Variants in NCALD observed in about 807,000 individuals in gnomAD.
The protein encoded by NCALD is neurocalcin delta, also known as neurocalcin-delta.
A neutral mutation model predicts 18.6 loss-of-function variants in NCALD; 10 were observed. That is an observed-to-expected ratio of 0.54 (90% CI 0.33 to 0.91). The LOEUF is 0.91. Among genes scored for constraint, NCALD ranks in the 40% least tolerant of loss-of-function variants. The probability of loss-of-function intolerance (pLI) is 0.03; values close to 1 mark genes in which losing one functional copy is unlikely to be tolerated. For synonymous variants in NCALD, 88 were observed against 87.4 expected, an observed-to-expected ratio of 1.01 and a Z score of -0.04; for missense variants, 184 against 247.6, an observed-to-expected ratio of 0.74 and a Z score of 1.72.
intron 2 of NCALD, among the ~76,000 whole-genome samples, chr8:101,972,532 G>A (rs574291365): frequency 6.6e-6 from 1 of 152,230 alleles, no homozygotes; most frequent in East Asian, 1.9e-4. Flanking sequence ...ATTTCTGCAG[G>A]AACAATGATG....
chr8:101,725,321 A>G (rs936030416), intron 1 of NCALD, among the ~76,000 whole-genome samples: 7 of 152,228 alleles, frequency 4.6e-5, no homozygotes, highest in Admixed American at 3.3e-4. Context: ...GCTTAACTTC[A>G]GACAGCATGA....
intron 2 of NCALD, among the ~76,000 whole-genome samples, chr8:101,981,640 A>C (rs1820621396): frequency 6.6e-6 from 1 of 152,224 alleles, no homozygotes; most frequent in Admixed American, 6.5e-5. Flanking sequence ...TGACAAATTA[A>C]AGTGACCTTC....
chr8:101,928,489 C>A (rs575441698), intron 2 of NCALD, among the ~76,000 whole-genome samples: 2 of 152,220 alleles, frequency 1.3e-5, no homozygotes, highest in African/African-American at 4.8e-5. Context: ...TATATACCAA[C>A]TCCACACATT....
chr8:102,083,641 C>T (rs910977798), intron 1 of NCALD, among the ~76,000 whole-genome samples: 1 of 152,216 alleles, frequency 6.6e-6, no homozygotes, highest in African/African-American at 2.4e-5. Flanking sequence ...AGTCTCATTC[C>T]CTCCAAGTAG....
upstream of NCALD, chr8:102,124,842 G>A (rs1365786376): frequency 6.6e-6 from 1 of 152,178 alleles, no homozygotes; most frequent in Non-Finnish European, 1.5e-5. Context: ...TCTACCCAAA[G>A]CCTTCTGTAA....
intron 1 of NCALD, among the ~76,000 whole-genome samples, chr8:101,732,883 CA>C (rs1180142069): frequency 1.3e-5 from 2 of 152,158 alleles, no homozygotes; most frequent in Non-Finnish European, 2.9e-5. Flanking sequence ...GGATTACAGC[CA>C]TGAGCCACCA....
chr8:101,782,552 C>T (rs1213179756), intron 1 of NCALD, among the ~76,000 whole-genome samples: 2 of 152,162 alleles, frequency 1.3e-5, no homozygotes, highest in African/African-American at 2.4e-5. Context: ...AATCCTAGAT[C>T]CTCCATGGAC....
chr8:102,015,530 T>C (rs1822054034), intron 2 of NCALD, among the ~76,000 whole-genome samples: 1 of 152,198 alleles, frequency 6.6e-6, no homozygotes, highest in Non-Finnish European at 1.5e-5. Context: ...AGCCAGTGAC[T>C]CTTAAAAAGT....
At chr8:101,797,499 T>G (rs1400074586) in intron 4 of NCALD, among the ~76,000 whole-genome samples, 2 of 152,170 alleles carry the variant, frequency 1.3e-5, no homozygotes, top group African/African-American at 4.8e-5. Flanking sequence ...TTTTTTATTA[T>G]ATATACAGAG....
At chr8:101,781,761 T>A (rs1415452935) in intron 1 of NCALD, among the ~76,000 whole-genome samples, 1 of 152,180 alleles carries the variant, frequency 6.6e-6, no homozygotes, top group African/African-American at 2.4e-5. Context: ...ACAGATGGTG[T>A]TTTTGTTGGC....
At chr8:101,828,624 CAG>C (rs1469927174) in intron 4 of NCALD, among the ~76,000 whole-genome samples, 1 of 149,788 alleles carries the variant, frequency 6.7e-6, no homozygotes, top group Non-Finnish European at 1.5e-5. Flanking sequence ...TTTTAAGAGA[CAG>C]AGTCTCACTC....
intron 1 of NCALD, among the ~76,000 whole-genome samples, chr8:102,109,202 A>G (rs16869116): frequency 0.017 from 2,627 of 151,720 alleles, 102 homozygotes; most frequent in African/African-American, 0.06. Flanking sequence ...TTAGAAAAAT[A>G]CTCTCCTGAT....
chr8:101,879,823 G>T (rs942539084), intron 4 of NCALD, among the ~76,000 whole-genome samples: 2 of 152,170 alleles, frequency 1.3e-5, no homozygotes, highest in African/African-American at 4.8e-5. Flanking sequence ...CCTTGAGCTA[G>T]ACACAGGCTG....
rs1363840007 is a variant in NCALD at position 101,894,948 on chromosome 8, G to C, written c.-106-7721C>G. Reference sequence around the variant, plus strand: ...CTACCAGAGGTACAAGGAGGAACTGGTACCATTCCTTCTGAAACTACTCCA... The same window carrying C: ...CTACCAGAGGTACAAGGAGGAACTGCTACCATTCCTTCTGAAACTACTCCA... On this transcript the variant is annotated intron_variant, in intron 3 of 6. Transcript: ENST00000311028. Among the ~76,000 whole-genome samples, 5 of 150,960 alleles carry C rather than the reference G, an allele frequency of 3.3e-5. No individual in the cohort carries two copies. The East Asian group carries it at 7.7e-4, about 23-fold the overall frequency.
chr8:101,815,621 G>C (rs544276279), intron 4 of NCALD, among the ~76,000 whole-genome samples: 1 of 152,072 alleles, frequency 6.6e-6, no homozygotes, highest in Non-Finnish European at 1.5e-5. Flanking sequence ...CTATTAGAAC[G>C]CCCAAAATAT....
At chr8:101,814,110 T>G (rs897585924) in intron 4 of NCALD, among the ~76,000 whole-genome samples, 2 of 152,066 alleles carry the variant, frequency 1.3e-5, no homozygotes, top group African/African-American at 4.8e-5. Context: ...CAATTCTCAA[T>G]GATCTCATTC....
At chr8:101,944,727 G>A (rs746634810) in intron 2 of NCALD, among the ~76,000 whole-genome samples, 6 of 152,166 alleles carry the variant, frequency 3.9e-5, no homozygotes, top group Non-Finnish European at 7.4e-5. Flanking sequence ...GCTTCCAATG[G>A]TGATGGCAGC....
intron 2 of NCALD, among the ~76,000 whole-genome samples, chr8:101,983,996 C>T (rs1233162514): frequency 6.6e-6 from 1 of 152,212 alleles, no homozygotes; most frequent in Non-Finnish European, 1.5e-5. Context: ...AAATAGGTCT[C>T]TCCTGAATCA....
chr8:101,879,557 A>G (rs118152831), intron 4 of NCALD, among the ~76,000 whole-genome samples: 2,150 of 152,264 alleles, frequency 0.014, 31 homozygotes, highest in Middle Eastern at 0.024. Flanking sequence ...CAAAACCACC[A>G]CTGTGTGGTG....
Sources: gnomAD v4.1 joint callset for allele counts (sites outside exome capture counted in the v4.1 genomes callset) on GRCh38, gnomAD v4.1.1 for gene constraint, MANE v1.5 for transcripts, NCBI Gene and HGNC (gene_info 2026-07-23, HGNC 2026-07-21) for gene names.